CNIH3: variants seen among roughly 807,000 people sequenced by gnomAD.
CNIH3 encodes the protein cornichon family AMPA receptor auxiliary protein 3.
Under a neutral mutation model 24.1 loss-of-function variants are expected in CNIH3, and 14 were observed. That is an observed-to-expected ratio of 0.58 (90% CI 0.38 to 0.91). The LOEUF is 0.91. CNIH3 is among the 40% of genes least tolerant of loss of function. The pLI, the probability that CNIH3 is intolerant of heterozygous loss-of-function variation, is 0.00. For missense variants in CNIH3, 178 were observed against 196.8 expected, an observed-to-expected ratio of 0.90 and a Z score of 0.57; for synonymous variants, 68 against 73.8, an observed-to-expected ratio of 0.92 and a Z score of 0.40.
chr1:224,523,910 G>A (rs1280078876), intron 2 of CNIH3, among the ~76,000 whole-genome samples: 1 of 152,206 alleles, frequency 6.6e-6, no homozygotes, highest in Non-Finnish European at 1.5e-5. Flanking sequence ...CTGAGAAGGA[G>A]GATGGAGCCC....
chr1:224,595,667 G>T (rs1681948180), intron 3 of CNIH3, among the ~76,000 whole-genome samples: 1 of 152,230 alleles, frequency 6.6e-6, no homozygotes, highest in Non-Finnish European at 1.5e-5. Context: ...TGGGCCAAAA[G>T]CTAGGCCTCT....
In CNIH3 at chr1:224,739,318, T is replaced by TTTTTTTTA; in HGVS notation, c.456-9_456-8insTTTTTATT. On this transcript the variant is annotated splice_polypyrimidine_tract_variant and intron_variant, in intron 5 of 5. Transcript: ENST00000272133. ...CTCTTTTTTTTTTTTTTTTTTTTTT[T>TTTTTTTTA]TTGCATTCAGCATGATCTACACTTT... The TTTTTTTTA allele has an allele frequency of 6.5e-7, 1 of 1,539,820 alleles. No homozygotes were observed. Among genetic ancestry groups the TTTTTTTTA allele is most frequent in the Non-Finnish European group, 8.7e-7 (1 of 1,147,982 alleles).
intron 1 of CNIH3, among the ~76,000 whole-genome samples, chr1:224,493,919 A>T (rs911413713): frequency 6.6e-6 from 1 of 152,190 alleles, no homozygotes; most frequent in Non-Finnish European, 1.5e-5. Context: ...ACTGCCACAG[A>T]ACCAATCGGG....
chr1:224,686,774 A>G (rs1247943730), intron 3 of CNIH3, among the ~76,000 whole-genome samples: 1 of 152,238 alleles, frequency 6.6e-6, no homozygotes, highest in Non-Finnish European at 1.5e-5. Context: ...GCAGCAGGCA[A>G]TGGCCAAGGT....
At chr1:224,481,243 C>G (rs998401328) in intron 1 of CNIH3, among the ~76,000 whole-genome samples, 6 of 152,344 alleles carry the variant, frequency 3.9e-5, no homozygotes, top group Admixed American at 2.0e-4. Context: ...TACCTTCCAC[C>G]AGGTCCCTCC....
At chr1:224,544,666 T>G (rs1679636059) in intron 2 of CNIH3, among the ~76,000 whole-genome samples, 1 of 152,192 alleles carries the variant, frequency 6.6e-6, no homozygotes, top group Admixed American at 6.5e-5. Context: ...CCAGAGCCCA[T>G]GACCGCTGTG....
At chr1:224,582,926 T>C (rs1234681575) in intron 4 of CNIH3, among the ~76,000 whole-genome samples, 1 of 152,194 alleles carries the variant, frequency 6.6e-6, no homozygotes, top group Non-Finnish European at 1.5e-5. Flanking sequence ...TCGGCCACAT[T>C]GCCTGAGTGG....
chr1:224,733,169 G>A (rs766977897), intron 4 of CNIH3, among the ~76,000 whole-genome samples: 1 of 152,082 alleles, frequency 6.6e-6, no homozygotes, highest in Non-Finnish European at 1.5e-5. Flanking sequence ...TGCATACATC[G>A]CCTCACATAA....
intron 4 of CNIH3, among the ~76,000 whole-genome samples, chr1:224,570,492 A>C (rs576302517): frequency 1.3e-5 from 2 of 152,324 alleles, no homozygotes; most frequent in Admixed American, 6.5e-5. Context: ...CACAAAGGAC[A>C]TGATTTTGTT....
At chr1:224,588,738 CT>C (rs1364065423), downstream of CNIH3, 1 of 151,894 alleles carries the variant, frequency 6.6e-6, no homozygotes, top group Non-Finnish European at 1.5e-5. Context: ...GATTTTTGCA[CT>C]TTTTTCTTTT....
chr1:224,457,946 C>T (rs1160675619), intron 1 of CNIH3, among the ~76,000 whole-genome samples: 1 of 152,164 alleles, frequency 6.6e-6, no homozygotes, highest in Non-Finnish European at 1.5e-5. Flanking sequence ...CTAGAGAGTG[C>T]AGCTAGGTGT....
chr1:224,461,534 C>G (rs1472307787), intron 1 of CNIH3, among the ~76,000 whole-genome samples: 1 of 152,144 alleles, frequency 6.6e-6, no homozygotes, highest in African/African-American at 2.4e-5. Context: ...AACCTATGGA[C>G]GTATGTATTT....
chr1:224,556,145 G>C (rs1015307532), intron 3 of CNIH3, among the ~76,000 whole-genome samples: 1 of 151,200 alleles, frequency 6.6e-6, no homozygotes, highest in African/African-American at 2.4e-5. Flanking sequence ...GGACAACAGA[G>C]AACCTGCCAT....
downstream of CNIH3, among the ~76,000 whole-genome samples, chr1:224,589,617 T>A (rs1271961933): frequency 2.0e-5 from 3 of 152,210 alleles, no homozygotes; most frequent in African/African-American, 7.2e-5. Context: ...CAAACTCAAC[T>A]TTTGATGAGA....
chr1:224,451,840 A>C (rs1042546557), intron 1 of CNIH3, among the ~76,000 whole-genome samples: 1 of 152,154 alleles, frequency 6.6e-6, no homozygotes, highest in African/African-American at 2.4e-5. Context: ...GACTTCTTTT[A>C]AGCTAATAGT....
At chr1:224,456,658 AC>A (rs1468670387) in intron 1 of CNIH3, among the ~76,000 whole-genome samples, 3 of 152,148 alleles carry the variant, frequency 2.0e-5, no homozygotes, top group African/African-American at 7.2e-5. Context: ...AGATCCTCCC[AC>A]CTCGGCCTCC....
At position 224,665,816 on chromosome 1, in the gene CNIH3, G is replaced by A. The variant is rs1254195043; in HGVS notation, c.82-15142G>A. On this transcript the variant is annotated intron_variant, in intron 1 of 5. Coordinates refer to ENST00000272133, the MANE Select transcript of CNIH3 (RefSeq NM_152495.2). ...CAGCACCATGGAATGATATCTACAGGTTAGAGTCGATAGGTTTAGTGATAA... is the reference window on the plus strand; with the variant it reads ...CAGCACCATGGAATGATATCTACAGATTAGAGTCGATAGGTTTAGTGATAA... 2.3e-5 allele frequency among the ~76,000 whole-genome samples: 3 copies of A among 129,386 alleles called. No individual in the cohort carries two copies. In the Admixed American group the frequency reaches 2.9e-4, roughly 12 times the overall value. 84.9% of individuals were successfully genotyped at this position (129,386 alleles called of 152,430 possible). A position where few individuals can be genotyped will look rare whatever the true frequency, so the allele number is the denominator to read the frequency against.
At chr1:224,641,246 G>A (rs1006739191) in intron 1 of CNIH3, among the ~76,000 whole-genome samples, 3 of 152,126 alleles carry the variant, frequency 2.0e-5, no homozygotes, top group African/African-American at 7.2e-5. Flanking sequence ...CCCACCTGCC[G>A]GGGAGGGGAA....
At chr1:224,659,727 C>T (rs1484963190) in intron 1 of CNIH3, among the ~76,000 whole-genome samples, 2 of 152,154 alleles carry the variant, frequency 1.3e-5, no homozygotes, top group African/African-American at 2.4e-5. Flanking sequence ...AAGAAAACAT[C>T]GCTTTTCTAG....
Sources: gnomAD v4.1 joint callset for allele counts (sites outside exome capture counted in the v4.1 genomes callset) on GRCh38, gnomAD v4.1.1 for gene constraint, MANE v1.5 for transcripts, NCBI Gene and HGNC (gene_info 2026-07-23, HGNC 2026-07-21) for gene names.